The following COL6A2 variants were observed in gnomAD, a reference collection of about 807,000 sequenced individuals.
The protein encoded by COL6A2 is collagen alpha-2(VI) chain.
COL6A2 carries 90 observed loss-of-function variants against 124.9 expected under a neutral mutation model. The observed-to-expected ratio is 0.72, with a 90% CI of 0.61 to 0.86. The LOEUF (loss-of-function observed/expected upper bound fraction) is 0.86. Among genes scored for constraint, COL6A2 ranks in the 40% least tolerant of loss-of-function variants. The probability of loss-of-function intolerance (pLI) is 0.00; values close to 1 mark genes in which losing one functional copy is unlikely to be tolerated. For synonymous variants in COL6A2, 793 were observed against 618.2 expected (o/e 1.28, Z -4.19); for missense variants, 1,607 against 1,502.5 (o/e 1.07, Z -1.15).
At chr21:46,099,889 CTTTTTTTTTT>C (rs869028897) in intron 1 of COL6A2, among the ~76,000 whole-genome samples, 2 of 91,840 alleles carry the variant, frequency 2.2e-5, no homozygotes, top group African/African-American at 3.8e-5. Context: ...GCAGCACTGT[CTTTTTTTTTT>C]TTTTTTTTTT....
chr21:46,111,287 C>A, intron 1 of COL6A2, 163 bp from the exon 2 acceptor site: 1 of 584,180 alleles, frequency 1.7e-6, no homozygotes, highest in Non-Finnish European at 3.1e-6. Context: ...GCCCCCCAGT[C>A]CAGATGCTGG....
chr21:46,104,568 C>T (rs1253225177), intron 1 of COL6A2, among the ~76,000 whole-genome samples: 3 of 152,254 alleles, frequency 2.0e-5, no homozygotes, highest in South Asian at 2.1e-4. Context: ...CCAACATAAA[C>T]ATTGTAGGAG....
rs765941470 is a variant in COL6A2, at chr21:46,112,163, C to G, written c.300C>G (p.His100Gln). The change falls in exon 3 of 28, where the codon CAC becomes CAG. Residue 100 changes from histidine to glutamine, a missense_variant. Transcript: ENST00000300527. The stretch of plus-strand genomic sequence containing the variant: ...TGAGCTGGCGCTACGGCGGCCTGCA[C>G]TTCTCTGACCAGGTGGAGGTGTTCA... ...VALSWRYGGL[H>Q]FSDQVEVFSP... The G allele has an allele frequency of 4.3e-6, 7 of 1,613,048 alleles. No homozygotes were observed. The East Asian group carries it at 1.6e-4, about 36-fold the overall frequency.
chr21:46,128,506 C>T (rs1466887648), intron 27 of COL6A2, among the ~76,000 whole-genome samples: 1 of 152,260 alleles, frequency 6.6e-6, no homozygotes, highest in Admixed American at 6.5e-5. Context: ...TGGCCTTCTC[C>T]AGACAGCCCT....
At chr21:46,126,266 C>G in intron 26 of COL6A2, 29 bp downstream of exon 26, 1 of 1,594,838 alleles carries the variant, frequency 6.3e-7, no homozygotes, top group East Asian at 2.2e-5. Flanking sequence ...GGCAGTCGGC[C>G]GAGGAGCAGC....
chr21:46,117,823 G>C (rs764316020), intron 11 of COL6A2, 51 bp from the exon 12 acceptor site: 2 of 1,570,778 alleles, frequency 1.3e-6, no homozygotes, highest in South Asian at 1.2e-5. Flanking sequence ...TGGCTCATGG[G>C]GAGAACCCCA....
chr21:46,121,182 C>T (rs2078560594), intron 17 of COL6A2, 59 bp downstream of exon 17: 2 of 1,506,380 alleles, frequency 1.3e-6, no homozygotes, highest in Non-Finnish European at 1.8e-6. Flanking sequence ...CTCCCCTATC[C>T]ATGTGGGGAC....
chr21:46,116,569 A>G lies in COL6A2; in HGVS notation c.928-82A>G. 2 of 1,604,316 alleles carry G rather than the reference A, an allele frequency of 1.2e-6. No homozygotes were observed. The highest frequency in any genetic ancestry group is 1.7e-6 in the Non-Finnish European group (2 of 1,173,230). ...GGTCCTGTGGCCTTGAGTTTGGCCC[A>G]AGGGCTTTGCCCCCCAGAGGCAGCA... is the stretch of plus-strand genomic sequence containing the variant. On this transcript the variant is annotated intron_variant, in intron 8 of 27. Coordinates refer to ENST00000300527, the MANE Select transcript of COL6A2 (RefSeq NM_001849.4). The surrounding 1 kb of genome is among the most constrained non-coding windows in gnomAD (Gnocchi z 4.6).
rs991073113 is a variant in COL6A2, at chr21:46,129,701, C to T, written c.2462-2253C>T. 5 of 1,413,832 alleles carry T rather than the reference C, an allele frequency of 3.5e-6. No homozygotes were observed. The African/African-American group carries it at 5.8e-5, about 16-fold the overall frequency. 87.6% of individuals were successfully genotyped at this position (1,413,832 alleles called of 1,614,324 possible). ...TTGCTGCGGCTGCATCTTCCAGTCT[C>T]TCCTCCGTCTTCCTGTGGCCGCTCT... On this transcript the variant is annotated intron_variant, in intron 27 of 27. Transcript: ENST00000300527.
chr21:46,117,557 G>C, intron 11 of COL6A2, 104 bp downstream of exon 11: 1 of 1,201,950 alleles, frequency 8.3e-7, no homozygotes, highest in South Asian at 1.3e-5. Context: ...GGGTTCTCCC[G>C]GCAGCCCAGC....
chr21:46,117,346 C>G, intron 10 of COL6A2, 54 bp from the exon 11 acceptor site: 1 of 1,566,324 alleles, frequency 6.4e-7, no homozygotes. Flanking sequence ...GTCGTTGGCA[C>G]ACATGGACCC....
intron 1 of COL6A2, among the ~76,000 whole-genome samples, chr21:46,101,847 ATTTTTTTTTTTTTTTTTTTT>A (rs56083556): frequency 1.4e-5 from 1 of 71,506 alleles, no homozygotes; most frequent in Non-Finnish European, 2.5e-5. Flanking sequence ...ATCTTTCACG[ATTTTTTTTTTTTTTTTTTTT>A]TTTTTTTTGG....
chr21:46,102,959 C>T (rs577800120), intron 1 of COL6A2, among the ~76,000 whole-genome samples: 1 of 152,198 alleles, frequency 6.6e-6, no homozygotes, highest in South Asian at 2.1e-4. Context: ...ATAGTGTTCC[C>T]TTCTCTTCAA....
In COL6A2 at chr21:46,132,634, A is replaced by C; in HGVS notation, c.*82A>C. On this transcript the variant is annotated 3_prime_UTR_variant, in exon 28 of 28. Transcript: ENST00000300527. ...AAGCGGGCCCGGGTCCCACACGGCC[A>C]GCACCGCTGCTCACTCGGACGACGC... The C allele has an allele frequency of 7.4e-7, 1 of 1,353,542 alleles. No homozygotes were observed. The highest frequency in any genetic ancestry group is 1.0e-6 in the Non-Finnish European group (1 of 980,734). 83.8% of individuals were successfully genotyped at this position (1,353,542 alleles called of 1,614,324 possible).
intron 14 of COL6A2, 52 bp downstream of exon 14, chr21:46,119,171 C>T (rs1196841031): frequency 2.2e-6 from 3 of 1,393,246 alleles, no homozygotes; most frequent in South Asian, 2.4e-5. Flanking sequence ...ATCCTCCTTG[C>T]AGCTTGAGGA....
At chr21:46,119,952 C>T (rs2078534421) in intron 15 of COL6A2, 102 bp downstream of exon 15, 1 of 1,009,530 alleles carries the variant, frequency 9.9e-7, no homozygotes, top group Non-Finnish European at 1.5e-6. Context: ...AACAGAACCC[C>T]AGGGCCTCAC....
intron 3 of COL6A2, 50 bp from the exon 4 acceptor site, chr21:46,112,753 GC>G: frequency 6.2e-7 from 1 of 1,613,234 alleles, no homozygotes; most frequent in South Asian, 1.1e-5. Flanking sequence ...AGGTGCAGCC[GC>G]CCCAGGTCTC....
Position 46,112,187 on chromosome 21 carries a change from C to G in COL6A2, c.324C>G (p.Phe108Leu). 6.2e-7 allele frequency: 1 copy of G among 1,612,966 alleles called. No individual in the cohort carries two copies. The highest frequency in any genetic ancestry group is 8.5e-7 in the Non-Finnish European group (1 of 1,180,026). The part of the protein sequence containing the change: ...GLHFSDQVEV[F>L]SPPGSDRASF... ...ACTTCTCTGACCAGGTGGAGGTGTT[C>G]AGCCCACCGGGCAGCGACCGGGCCT... is the stretch of plus-strand genomic sequence containing the variant. Residue 108 changes from phenylalanine to leucine, a missense_variant, in exon 3 of 28, where the codon TTC becomes TTG. Phe to Leu is a conservative substitution (Grantham distance 22). Around this residue, in one of 3 missense-constraint regions of COL6A2, gnomAD observed 342 missense variants for 381.5 expected, o/e 0.90. Coordinates refer to ENST00000300527, the MANE Select transcript of COL6A2 (RefSeq NM_001849.4).
At position 46,114,055 on chromosome 21, in the gene COL6A2, G is replaced by A; in HGVS notation, c.783G>A (p.Lys261=). ...AAATCCCTGGGCCCTCTGGCCCCAAGGGCTACCGTGGACAGAAGGTAAGAT... is the reference window on the plus strand; with the variant it reads ...AAATCCCTGGGCCCTCTGGCCCCAAAGGCTACCGTGGACAGAAGGTAAGAT... ...CLEIPGPSGP[K]GYRGQKGAKG... The change falls in exon 5 of 28, where the codon AAG becomes AAA. Residue 261 remains lysine (K), a synonymous_variant. Coordinates refer to ENST00000300527, the MANE Select transcript of COL6A2 (RefSeq NM_001849.4). 1.2e-6 allele frequency: 2 copies of A among 1,613,640 alleles called. No individual in the cohort carries two copies. Among genetic ancestry groups the A allele is most frequent in the Non-Finnish European group, 1.7e-6 (2 of 1,179,850 alleles).
Sources: gnomAD v4.1 joint callset for allele counts (sites outside exome capture counted in the v4.1 genomes callset) on GRCh38, gnomAD v4.1.1 for gene constraint, gnomAD v4.1.1 regional missense constraint, Gnocchi (gnomAD v3.1) non-coding constraint, MANE v1.5 for transcripts, NCBI Gene and HGNC (gene_info 2026-07-23, HGNC 2026-07-21) for gene names.